Variants in DLGAP2 observed in about 807,000 individuals in gnomAD.
DLGAP2 encodes the protein DLG associated protein 2.
Under a neutral mutation model 100.3 loss-of-function variants are expected in DLGAP2, and 26 were observed. The observed-to-expected ratio is 0.26, with a 90% CI of 0.19 to 0.36. DLGAP2 has a LOEUF of 0.36. Ranked by LOEUF, DLGAP2 falls within the 10% of genes least tolerant of loss-of-function variation. DLGAP2 has a pLI of 1.00. For missense variants in DLGAP2, 1,858 were observed against 1,453.2 expected (o/e 1.28, Z -4.53); for synonymous variants, 886 against 630.1 (o/e 1.41, Z -6.08).
At chr8:938,567 C>G (rs1799124568) in intron 2 of DLGAP2, among the ~76,000 whole-genome samples, 1 of 152,192 alleles carries the variant, frequency 6.6e-6, no homozygotes, top group Non-Finnish European at 1.5e-5. Context: ...ACAAGGGCCT[C>G]CCCTGCTCCC....
At chr8:1,153,311 A>G (rs978842406) in intron 2 of DLGAP2, among the ~76,000 whole-genome samples, 2 of 152,320 alleles carry the variant, frequency 1.3e-5, no homozygotes, top group African/African-American at 2.4e-5. Flanking sequence ...GGCACTGGCT[A>G]TGCCTAAATC....
chr8:973,397 G>C (rs1239209993), intron 2 of DLGAP2, among the ~76,000 whole-genome samples: 1 of 151,790 alleles, frequency 6.6e-6, no homozygotes. Flanking sequence ...CTTCTCAGAC[G>C]GGGCGGCCGG....
intron 1 of DLGAP2, among the ~76,000 whole-genome samples, chr8:883,671 G>A (rs994621045): frequency 3.3e-5 from 5 of 151,292 alleles, no homozygotes; most frequent in African/African-American, 9.7e-5. Flanking sequence ...GTAGGTGCGC[G>A]TGTGCCGCGG....
chr8:1,464,235 C>CAGCAACCTTCTAG (rs1563164743), intron 3 of DLGAP2, among the ~76,000 whole-genome samples: 1 of 128,576 alleles, frequency 7.8e-6, no homozygotes, highest in African/African-American at 2.7e-5. Context: ...CCTTCCAGGA[C>CAGCAACCTTCTAG]GACACCCTTC....
intron 2 of DLGAP2, among the ~76,000 whole-genome samples, chr8:1,167,947 T>C (rs530226333): frequency 6.6e-6 from 1 of 151,966 alleles, no homozygotes; most frequent in East Asian, 1.9e-4. Context: ...TAGTTACATA[T>C]GTATACATGT....
At chr8:984,088 C>T (rs1402869078) in intron 2 of DLGAP2, among the ~76,000 whole-genome samples, 1 of 152,162 alleles carries the variant, frequency 6.6e-6, no homozygotes, top group African/African-American at 2.4e-5. Context: ...TTTTGGGCAC[C>T]TGTCCCTACC....
intron 2 of DLGAP2, among the ~76,000 whole-genome samples, chr8:1,003,688 A>G (rs1386376204): frequency 2.0e-5 from 3 of 152,168 alleles, no homozygotes; most frequent in Admixed American, 1.3e-4. Context: ...TCACTCACAC[A>G]GGGCAGGTGG....
At chr8:1,583,805 G>A (rs531745398) in intron 6 of DLGAP2, among the ~76,000 whole-genome samples, 71 of 152,146 alleles carry the variant, frequency 4.7e-4, no homozygotes, top group African/African-American at 1.6e-3. Context: ...CCCTCCACGC[G>A]CTGGTTGCAG....
chr8:1,609,379 T>C (rs958122192), intron 6 of DLGAP2, among the ~76,000 whole-genome samples: 7 of 131,528 alleles, frequency 5.3e-5, no homozygotes, highest in African/African-American at 1.1e-4. Flanking sequence ...CTAAAAGAGC[T>C]CCTGAAGGAA....
chr8:1,518,777 A>G (rs1419724862), intron 4 of DLGAP2, among the ~76,000 whole-genome samples: 1 of 152,092 alleles, frequency 6.6e-6, no homozygotes, highest in Admixed American at 6.5e-5. Flanking sequence ...ACCATATCGA[A>G]CCCATGTTAG....
chr8:950,340 A>G (rs900038933), intron 2 of DLGAP2, among the ~76,000 whole-genome samples: 17 of 152,338 alleles, frequency 1.1e-4, no homozygotes, highest in African/African-American at 3.8e-4. Flanking sequence ...AGCACTTCCC[A>G]GAGAAAATCA....
intron 4 of DLGAP2, 86 bp downstream of exon 4, chr8:1,501,517 C>G: frequency 7.8e-7 from 1 of 1,279,338 alleles, no homozygotes; most frequent in Non-Finnish European, 1.1e-6. Flanking sequence ...CGGACCGTCC[C>G]ACAAACACAC....
At chr8:1,384,262 T>A (rs1585321759) in intron 3 of DLGAP2, among the ~76,000 whole-genome samples, 1 of 152,256 alleles carries the variant, frequency 6.6e-6, no homozygotes, top group Non-Finnish European at 1.5e-5. Context: ...GAATTGTGAC[T>A]GCACAGTCGC....
chr8:996,317 A>T (rs560041864), intron 2 of DLGAP2, among the ~76,000 whole-genome samples: 1 of 152,198 alleles, frequency 6.6e-6, no homozygotes, highest in South Asian at 2.1e-4. Context: ...TCGTTTAGAG[A>T]CTACAGAGCT....
chr8:1,304,167 G>C (rs534853660), intron 3 of DLGAP2, among the ~76,000 whole-genome samples: 6 of 152,212 alleles, frequency 3.9e-5, no homozygotes, highest in African/African-American at 1.4e-4. Context: ...CATGGGAGCA[G>C]GCCAGCGTGT....
chr8:1,573,001 C>T (rs1178454530), intron 6 of DLGAP2, among the ~76,000 whole-genome samples: 25 of 53,780 alleles, frequency 4.6e-4, no homozygotes, highest in African/African-American at 2.0e-3. Flanking sequence ...GGGGCGTCTT[C>T]TGGGATGGAG....
At chr8:1,600,523 A>C (rs768465023) in intron 6 of DLGAP2, among the ~76,000 whole-genome samples, 1 of 151,972 alleles carries the variant, frequency 6.6e-6, no homozygotes, top group Non-Finnish European at 1.5e-5. Flanking sequence ...CTAATGTAGG[A>C]TTGGTCTTTT....
At chr8:1,253,277 G>T (rs1226797086) in intron 2 of DLGAP2, among the ~76,000 whole-genome samples, 1 of 152,196 alleles carries the variant, frequency 6.6e-6, no homozygotes, top group Non-Finnish European at 1.5e-5. Context: ...GTTCCTGTGT[G>T]TGCCCTTTCT....
At chr8:1,597,226 A>G (rs950206359) in intron 6 of DLGAP2, among the ~76,000 whole-genome samples, 4 of 151,978 alleles carry the variant, frequency 2.6e-5, no homozygotes, top group Admixed American at 6.6e-5. Flanking sequence ...TGGCCTATGT[A>G]TCTGTTTTGA....
Sources: allele counts gnomAD v4.1 joint callset (sites outside exome capture counted in the v4.1 genomes callset), GRCh38; gene constraint gnomAD v4.1.1; transcripts MANE v1.5; gene names NCBI Gene and HGNC (gene_info 2026-07-23, HGNC 2026-07-21).